Variants in OFD1 observed in about 807,000 individuals in gnomAD.
The protein encoded by OFD1 is OFD1 centriole and centriolar satellite protein.
OFD1 carries 12 observed loss-of-function variants against 81.4 expected under a neutral mutation model. That is an observed-to-expected ratio of 0.15 (90% CI 0.09 to 0.24). The LOEUF is 0.24. Among genes scored for constraint, OFD1 ranks in the 10% least tolerant of loss-of-function variants. The pLI is 1.00. For missense variants in OFD1, 685 were observed against 733.9 expected, an observed-to-expected ratio of 0.93 and a Z score of 0.77; for synonymous variants, 256 against 263.7, an observed-to-expected ratio of 0.97 and a Z score of 0.28.
chrX:13,715,977 A>G, the OFD1 span: 2 of 1,166,091 alleles, frequency 1.7e-6, no homozygotes, highest in Non-Finnish European at 2.3e-6. Flanking sequence ...TCTCATCAGA[A>G]TTTAAAAATT....
intron 8 of OFD1, among the ~76,000 whole-genome samples, chrX:13,748,675 A>G (rs764795741): frequency 8.9e-6 from 1 of 112,103 alleles, no homozygotes; most frequent in Non-Finnish European, 1.9e-5. Context: ...AGGAGTTCAT[A>G]TGAGCTTGCT....
the OFD1 span, among the ~76,000 whole-genome samples, chrX:13,728,226 G>A: frequency 2.7e-5 from 3 of 112,075 alleles, no homozygotes; most frequent in African/African-American, 9.7e-5. Flanking sequence ...CAGAAAAAGA[G>A]GGAATCCTCC....
chrX:13,737,160 C>T (rs1181323304), intron 3 of OFD1, among the ~76,000 whole-genome samples: 1 of 111,187 alleles, frequency 9.0e-6, no homozygotes, highest in East Asian at 2.8e-4. Flanking sequence ...TTTTCCTGCA[C>T]TAGTTTCTTC....
the OFD1 span, chrX:13,720,538 G>A: frequency 8.9e-6 from 1 of 112,517 alleles, no homozygotes; most frequent in African/African-American, 3.2e-5. Context: ...CGCAGACTGC[G>A]TGTGCTGTAT....
At chrX:13,762,469 T>G (rs746220955) in intron 18 of OFD1, 25 bp downstream of exon 18, 1 of 927,006 alleles carries the variant, frequency 1.1e-6, no homozygotes, top group South Asian at 2.0e-5. Flanking sequence ...AAATACCAGT[T>G]TTTATATGTT....
chrX:13,727,984 A>G, the OFD1 span, among the ~76,000 whole-genome samples: 1 of 112,240 alleles, frequency 8.9e-6, no homozygotes, highest in Non-Finnish European at 1.9e-5. Context: ...CTACGCAAAT[A>G]AACTGGAAAA....
At position 13,761,222 on chromosome X, in the gene OFD1, C is replaced by T. The variant is rs140369491; in HGVS notation, c.2387+11C>T. The T allele has an allele frequency of 7.3e-3, 8,855 of 1,206,536 alleles. 173 individuals are homozygous for T. The highest frequency in any genetic ancestry group is 0.067 in the African/African-American group (3,795 of 56,739). ...GGAGCAGAAAGTGGGGTAAGTATAACGTTCTGATTGATTAGCTTCAGCTGA... is the reference window on the plus strand; with the variant it reads ...GGAGCAGAAAGTGGGGTAAGTATAATGTTCTGATTGATTAGCTTCAGCTGA... On this transcript the variant is annotated intron_variant, in intron 17 of 22. Coordinates refer to ENST00000340096, the MANE Select transcript of OFD1 (RefSeq NM_003611.3).
chrX:13,753,196 T>C (rs2047567147), intron 10 of OFD1, 172 bp from the exon 11 acceptor site: 1 of 1,066,392 alleles, frequency 9.4e-7, no homozygotes, highest in Admixed American at 4.0e-5. Context: ...TTACTGGGCA[T>C]TTTATGTTCA....
At chrX:13,735,802 G>A (rs1472281137) in intron 2 of OFD1, among the ~76,000 whole-genome samples, 2 of 112,027 alleles carry the variant, frequency 1.8e-5, no homozygotes, top group Non-Finnish European at 3.8e-5. Context: ...ATGTATGAAT[G>A]TTTAGTTTGG....
At chrX:13,766,657 G>A (rs1409222534) in intron 19 of OFD1, among the ~76,000 whole-genome samples, 1 of 110,911 alleles carries the variant, frequency 9.0e-6, no homozygotes, top group Non-Finnish European at 1.9e-5. Context: ...GCAGTGGTGT[G>A]ATTTCTGTTC....
At chrX:13,717,056 A>C in the OFD1 span, among the ~76,000 whole-genome samples, 1 of 105,456 alleles carries the variant, frequency 9.5e-6, no homozygotes, top group South Asian at 4.3e-4. Flanking sequence ...AAAAAAAAAA[A>C]AAAAAAAACA....
intron 19 of OFD1, among the ~76,000 whole-genome samples, chrX:13,764,728 G>GGC: frequency 8.9e-6 from 1 of 112,732 alleles, no homozygotes; most frequent in Admixed American, 9.3e-5. Flanking sequence ...AACTGAAAGA[G>GGC]GCAAGAGATT....
intron 11 of OFD1, among the ~76,000 whole-genome samples, chrX:13,754,627 C>T (rs979551032): frequency 9.0e-6 from 1 of 110,510 alleles, no homozygotes; most frequent in African/African-American, 3.3e-5. Flanking sequence ...AGGCTGGTCT[C>T]GAACTCGTGA....
chrX:13,735,126 T>G (rs775029318), intron 1 of OFD1, 43 bp downstream of exon 1: 3 of 1,206,655 alleles, frequency 2.5e-6, no homozygotes, highest in Non-Finnish European at 3.4e-6. Flanking sequence ...AAAGTCTTGT[T>G]TTGTGTTCGT....
In OFD1 at chrX:13,768,702, C is replaced by G; in HGVS notation, c.2929-16C>G. ...ATATCTAATTTCAAAATTTTCCACC[C>G]TCTCCATGTAATCAGAGCTCAAAAA... On this transcript the variant is annotated splice_polypyrimidine_tract_variant and intron_variant, in intron 21 of 22. Transcript: ENST00000340096. The G allele has an allele frequency of 8.4e-7, 1 of 1,194,392 alleles. No individual in the cohort carries two copies. Among genetic ancestry groups the G allele is most frequent in the Non-Finnish European group, 1.1e-6 (1 of 879,859 alleles).
chrX:13,771,173 GACT>G (rs748932822), downstream of OFD1: 128 of 111,746 alleles, frequency 1.1e-3, no homozygotes, highest in Non-Finnish European at 2.0e-3. Context: ...AAAAATATTA[GACT>G]ACTTAAACAA....
the OFD1 span, chrX:13,716,775 G>A: frequency 3.1e-6 from 3 of 963,013 alleles, no homozygotes; most frequent in Non-Finnish European, 4.3e-6. Context: ...GTTTTCTTGT[G>A]GGGAAAAAAC....
chrX:13,757,857 C>T, intron 14 of OFD1, 67 bp downstream of exon 14: 1 of 1,097,096 alleles, frequency 9.1e-7, no homozygotes, highest in Non-Finnish European at 1.3e-6. Context: ...AAACTTGGCA[C>T]AAGTCACACT....
At chrX:13,714,610 AGTCTAAAGACCACATTTT>A in the OFD1 span, 2 of 442,289 alleles carry the variant, frequency 4.5e-6, no homozygotes, top group Non-Finnish European at 7.6e-6. Context: ...GACATTCCAA[AGTCTAAAGACCACATTTT>A]TAAGTTTTAT....
Sources: gnomAD v4.1 joint callset for allele counts (sites outside exome capture counted in the v4.1 genomes callset) on GRCh38, gnomAD v4.1.1 for gene constraint, MANE v1.5 for transcripts, NCBI Gene and HGNC (gene_info 2026-07-23, HGNC 2026-07-21) for gene names.